Variants in MAPKAP1 observed in about 807,000 individuals in gnomAD.
MAPKAP1 encodes target of rapamycin complex 2 subunit MAPKAP1.
Under a neutral mutation model 65.7 loss-of-function variants are expected in MAPKAP1, and 20 were observed. The ratio of observed to expected loss-of-function variants is 0.30; its 90% CI spans 0.21 to 0.44. The LOEUF (loss-of-function observed/expected upper bound fraction) is 0.44. MAPKAP1 is among the 20% of genes least tolerant of loss of function. The probability of loss-of-function intolerance (pLI) is 1.00; values close to 1 mark genes in which losing one functional copy is unlikely to be tolerated. For synonymous variants in MAPKAP1, 222 were observed against 244.3 expected (o/e 0.91, Z 0.85); for missense variants, 423 against 648.0 (o/e 0.65, Z 3.77).
intron 1 of MAPKAP1, among the ~76,000 whole-genome samples, chr9:125,706,323 TAAC>T (rs1382124776): frequency 6.6e-6 from 1 of 152,128 alleles, no homozygotes; most frequent in African/African-American, 2.4e-5. Flanking sequence ...TTTGGGTTTA[TAAC>T]AACATGGTGC....
At chr9:125,446,292 G>GA (rs1008063492) in intron 10 of MAPKAP1, among the ~76,000 whole-genome samples, 4 of 152,068 alleles carry the variant, frequency 2.6e-5, no homozygotes, top group African/African-American at 7.2e-5. Context: ...ATCCTAAATT[G>GA]AAAAAATTAC....
chr9:125,519,506 C>T (rs573681769), intron 7 of MAPKAP1, among the ~76,000 whole-genome samples: 1 of 151,830 alleles, frequency 6.6e-6, no homozygotes, highest in African/African-American at 2.4e-5. Flanking sequence ...GTAGCACACA[C>T]TTGTCTTAGC....
chr9:125,464,424 G>T (rs747492917), intron 10 of MAPKAP1, among the ~76,000 whole-genome samples: 1 of 151,928 alleles, frequency 6.6e-6, no homozygotes, highest in Non-Finnish European at 1.5e-5. Flanking sequence ...TCTGACAGAG[G>T]GAATCACTCA....
intron 9 of MAPKAP1, among the ~76,000 whole-genome samples, chr9:125,480,725 C>A (rs571026428): frequency 2.5e-4 from 38 of 152,272 alleles, no homozygotes; most frequent in African/African-American, 8.9e-4. Context: ...GTAATCCCAG[C>A]ACTTTGGGAG....
intron 5 of MAPKAP1, among the ~76,000 whole-genome samples, chr9:125,584,142 C>T (rs1001663337): frequency 1.3e-5 from 2 of 152,150 alleles, no homozygotes; most frequent in Middle Eastern, 3.4e-3. Flanking sequence ...TTTCCTTGTT[C>T]CCACTTCATG....
chr9:125,669,844 C>T lies in MAPKAP1; in HGVS notation c.323G>A (p.Trp108Ter). The T allele has an allele frequency of 6.3e-7, 1 of 1,584,156 alleles. No individual in the cohort carries two copies. The highest frequency in any genetic ancestry group is 8.6e-7 in the Non-Finnish European group (1 of 1,160,384). ...QNQIKCKNIQ[W>*]KERNSKQSAQ... ...TGATTGCTTAGAATTTCTTTCTTTC[C>T]ACTGAATATTTTTGCATTTGATCTG... The change falls in exon 3 of 12, where the codon TGG (tryptophan) becomes TAG (stop). Residue 108 changes from tryptophan (W) to a stop codon, truncating the protein, a stop_gained. Coordinates refer to ENST00000265960, the MANE Select transcript of MAPKAP1 (RefSeq NM_001006617.3). LOFTEE classifies it high-confidence loss of function.
At chr9:125,522,044 T>C (rs755222136) in intron 7 of MAPKAP1, among the ~76,000 whole-genome samples, 14 of 152,342 alleles carry the variant, frequency 9.2e-5, no homozygotes, top group Middle Eastern at 3.4e-3. Context: ...TTGACAGGAT[T>C]TTGAGCAGAT....
intron 5 of MAPKAP1, among the ~76,000 whole-genome samples, chr9:125,577,634 G>T (rs1334953721): frequency 2.5e-5 from 2 of 78,834 alleles, no homozygotes; most frequent in Admixed American, 1.2e-4. Context: ...CCCCCCGCCC[G>T]GCCAGCCGCC....
chr9:125,543,941 G>A (rs1479965191), intron 6 of MAPKAP1, among the ~76,000 whole-genome samples: 2 of 152,098 alleles, frequency 1.3e-5, no homozygotes, highest in African/African-American at 2.4e-5. Context: ...GGGGCCGCAG[G>A]GCAGTAATAC....
intron 3 of MAPKAP1, among the ~76,000 whole-genome samples, chr9:125,669,531 T>C (rs1398421671): frequency 1.3e-5 from 2 of 152,142 alleles, no homozygotes; most frequent in African/African-American, 4.8e-5. Flanking sequence ...CCTTGGCCTA[T>C]ATTTTTTTAA....
chr9:125,686,326 GAAAAGAAAAAGA>G (rs1241243210), intron 1 of MAPKAP1, among the ~76,000 whole-genome samples: 3 of 141,218 alleles, frequency 2.1e-5, no homozygotes, highest in Admixed American at 7.0e-5. Context: ...AAAAAAAAAA[GAAAAGAAAAAGA>G]AAAAGAAAAA....
At chr9:125,567,436 C>A (rs574126751) in intron 5 of MAPKAP1, 1 of 152,190 alleles carries the variant, frequency 6.6e-6, no homozygotes, top group Non-Finnish European at 1.5e-5. Flanking sequence ...ACACTCCCAC[C>A]AGCGCCATGA....
intron 9 of MAPKAP1, among the ~76,000 whole-genome samples, chr9:125,479,377 C>T (rs548883677): frequency 1.3e-4 from 20 of 152,144 alleles, no homozygotes; most frequent in South Asian, 2.1e-4. Flanking sequence ...GTCAAGAGTT[C>T]GAGACCAGCC....
At chr9:125,463,927 C>T (rs1005044111) in intron 10 of MAPKAP1, among the ~76,000 whole-genome samples, 1 of 152,156 alleles carries the variant, frequency 6.6e-6, no homozygotes, top group Non-Finnish European at 1.5e-5. Flanking sequence ...TATGATGAAA[C>T]CAGATCTGGC....
At chr9:125,653,304 G>A (rs576162176) in intron 4 of MAPKAP1, among the ~76,000 whole-genome samples, 1 of 152,124 alleles carries the variant, frequency 6.6e-6, no homozygotes. Flanking sequence ...ATAAGAAAAC[G>A]AAGACCCAAG....
intron 1 of MAPKAP1, among the ~76,000 whole-genome samples, chr9:125,685,386 G>A (rs531335518): frequency 5.3e-5 from 8 of 152,244 alleles, no homozygotes; most frequent in Non-Finnish European, 8.8e-5. Context: ...CTGCCAAGCA[G>A]AGGGGAACAT....
intron 8 of MAPKAP1, among the ~76,000 whole-genome samples, chr9:125,486,857 G>A (rs1854513537): frequency 6.6e-6 from 1 of 152,002 alleles, no homozygotes; most frequent in East Asian, 1.9e-4. Flanking sequence ...GAGCACCAGT[G>A]ACACTCCAGG....
chr9:125,587,417 T>A (rs1321634324), intron 4 of MAPKAP1, among the ~76,000 whole-genome samples: 1 of 152,006 alleles, frequency 6.6e-6, no homozygotes, highest in East Asian at 1.9e-4. Flanking sequence ...AATACAAAAA[T>A]CAGCTGGGCG....
intron 4 of MAPKAP1, among the ~76,000 whole-genome samples, chr9:125,597,264 C>CAAAAAAAAA (rs35917056): frequency 1.3e-4 from 7 of 52,678 alleles, no homozygotes; most frequent in African/African-American, 6.3e-4. Context: ...GACTCCGTCT[C>CAAAAAAAAA]AAAAAAAAAA....
Sources: gnomAD v4.1 joint callset for allele counts (sites outside exome capture counted in the v4.1 genomes callset) on GRCh38, gnomAD v4.1.1 for gene constraint, MANE v1.5 for transcripts, NCBI Gene and HGNC (gene_info 2026-07-23, HGNC 2026-07-21) for gene names.